Variants in MATN3 observed in about 807,000 individuals in gnomAD.
MATN3 encodes matrilin-3.
Under a neutral mutation model 45.3 loss-of-function variants are expected in MATN3, and 48 were observed. The ratio of observed to expected loss-of-function variants is 1.06; its 90% CI spans 0.84 to 1.35. MATN3 has a LOEUF of 1.35. MATN3 is among the 40% of genes most tolerant of loss of function. The pLI, the probability that MATN3 is intolerant of heterozygous loss-of-function variation, is 0.00. For synonymous variants in MATN3, 217 were observed against 245.9 expected (o/e 0.88, Z 1.10); for missense variants, 599 against 628.0 (o/e 0.95, Z 0.49).
rs12986437 is a variant in MATN3, at chr2:20,004,929, A to G, written c.790+815T>C. 2.4e-3 allele frequency among the ~76,000 whole-genome samples: 363 copies of G among 152,212 alleles called. 2 individuals are homozygous for G. Among genetic ancestry groups the G allele is most frequent in the Middle Eastern group, 6.8e-3 (2 of 294 alleles). Reference sequence around the variant, plus strand: ...TCTCCAGATGATAAAAAAATAAAGCATGAGTCCCACAGATCATAATTCTGA... The same window carrying G: ...TCTCCAGATGATAAAAAAATAAAGCGTGAGTCCCACAGATCATAATTCTGA... On this transcript the variant is annotated intron_variant, in intron 2 of 7. Transcript: ENST00000407540.
intron 1 of MATN3, among the ~76,000 whole-genome samples, chr2:20,008,596 T>A (rs764193400): frequency 1.1e-4 from 17 of 152,184 alleles, no homozygotes; most frequent in Non-Finnish European, 2.1e-4. Flanking sequence ...AAAAAGAAAA[T>A]CTTCCTTTCA....
chr2:19,995,639 T>C lies in MATN3; in HGVS notation c.1295-1230A>G, dbSNP rs765761089. On this transcript the variant is annotated intron_variant, in intron 6 of 7. Coordinates refer to ENST00000407540, the MANE Select transcript of MATN3 (RefSeq NM_002381.5). This position sits in a 1 kb window ranked among gnomAD's most constrained non-coding sequence, Gnocchi z 4.2. ...AGAGGTGATAAAAGTAACTCCTATTTCTTTATGGAATTCAGTCAGGCAGCT... is the reference window on the plus strand; with the variant it reads ...AGAGGTGATAAAAGTAACTCCTATTCCTTTATGGAATTCAGTCAGGCAGCT... Among the ~76,000 whole-genome samples the C allele has an allele frequency of 1.6e-4, 24 of 152,206 alleles. No individual in the cohort carries two copies. Among genetic ancestry groups the C allele is most frequent in the Non-Finnish European group, 3.2e-4 (22 of 68,034 alleles).
At chr2:20,007,017 A>C (rs369708740) in intron 1 of MATN3, among the ~76,000 whole-genome samples, 1 of 152,096 alleles carries the variant, frequency 6.6e-6, no homozygotes, top group Non-Finnish European at 1.5e-5. Context: ...GGAGATCAAG[A>C]CCATCACGGT....
intron 1 of MATN3, among the ~76,000 whole-genome samples, chr2:20,010,310 T>C (rs1371636153): frequency 1.3e-5 from 2 of 152,208 alleles, no homozygotes; most frequent in East Asian, 3.8e-4. Context: ...TTCTTATAAC[T>C]AAACGTGCAT....
rs1472973603 is a variant in MATN3 at position 19,992,475 on chromosome 2, C to CTTTAGTA, written c.*629_*635dup. The CTTTAGTA allele has an allele frequency of 6.6e-6, 1 of 152,100 alleles. No individual in the cohort carries two copies. The highest frequency in any genetic ancestry group is 1.5e-5 in the Non-Finnish European group (1 of 67,996). The allele number at this position is 152,100 out of a possible 1,614,324, so 9.4% of individuals were successfully genotyped here. The stretch of plus-strand genomic sequence containing the variant: ...ACACCCTAAATTCACAACTAGTGCT[C>CTTTAGTA]TTTAGTAGTACATTTCTTTCAAAGA... On this transcript the variant is annotated 3_prime_UTR_variant, in exon 8 of 8. Transcript: ENST00000407540.
At chr2:19,999,110 CTTTGA>C (rs1672934458) in intron 5 of MATN3, 1 of 151,654 alleles carries the variant, frequency 6.6e-6, no homozygotes. Flanking sequence ...TGAAAATTTT[CTTTGA>C]TTTATGTTTT....
chr2:20,010,066 C>CAAAAAAAAA (rs1558376342), intron 1 of MATN3, among the ~76,000 whole-genome samples: 5 of 5,550 alleles, frequency 9.0e-4, no homozygotes, highest in Non-Finnish European at 1.2e-3. Context: ...TCTTCAAATA[C>CAAAAAAAAA]TAAAAAAAAA....
Position 20,006,080 on chromosome 2 carries a change from G to C in MATN3, c.454C>G (p.Arg152Gly), listed in dbSNP as rs760921257. ...GTGCCTGTTGACAAGGGTGTGATTC[G>C]ACCCACGGCCTGCTTCAGGGACTGC... ...DKQSLKQAVG[R>G]ITPLSTGTMS... Residue 152 changes from arginine to glycine, a missense_variant, in exon 2 of 8, where the codon CGA (arginine) becomes GGA (glycine). Physicochemically the swap from Arg to Gly is moderately radical, Grantham distance 125. Transcript: ENST00000407540. 4 of 1,613,960 alleles carry C rather than the reference G, an allele frequency of 2.5e-6. No individual in the cohort carries two copies. Among genetic ancestry groups the C allele is most frequent in the Admixed American group, 1.7e-5 (1 of 60,018 alleles).
intron 7 of MATN3, among the ~76,000 whole-genome samples, chr2:19,994,085 T>C (rs1400490727): frequency 1.3e-5 from 2 of 152,180 alleles, no homozygotes; most frequent in Non-Finnish European, 2.9e-5. Context: ...GGGGACAAAA[T>C]AGGCAGCTTT....
chr2:20,010,404 C>T (rs939299067), intron 1 of MATN3, among the ~76,000 whole-genome samples: 4 of 152,158 alleles, frequency 2.6e-5, no homozygotes, highest in African/African-American at 9.7e-5. Flanking sequence ...CCGCCAAAGA[C>T]GTCCACGTCC....
At chr2:20,002,763 C>CTT (rs772667988) in intron 3 of MATN3, among the ~76,000 whole-genome samples, 7 of 150,872 alleles carry the variant, frequency 4.6e-5, no homozygotes, top group East Asian at 2.0e-4. Context: ...CCACACCTGG[C>CTT]TTTTTTTTTT....
Position 19,995,611 on chromosome 2 carries a change from A to G in MATN3, c.1295-1202T>C, listed in dbSNP as rs1672850565. 6.6e-6 allele frequency among the ~76,000 whole-genome samples: 1 copy of G among 152,228 alleles called. No individual in the cohort carries two copies. The highest frequency in any genetic ancestry group is 2.1e-4 in the South Asian group (1 of 4,838). On this transcript the variant is annotated intron_variant, in intron 6 of 7. Coordinates refer to ENST00000407540, the MANE Select transcript of MATN3 (RefSeq NM_002381.5). This position sits in a 1 kb window ranked among gnomAD's most constrained non-coding sequence, Gnocchi z 4.2. ...CGTTTGTATTGACATTTAACCAAAT[A>G]TGAGAGGTGATAAAAGTAACTCCTA...
In MATN3 at chr2:20,003,214, T is replaced by G. The variant is rs373579350; in HGVS notation, c.863A>C (p.His288Pro). Residue 288 changes from histidine (H) to proline (P), a missense_variant, in exon 3 of 8, where the codon CAC becomes CCC. By Grantham distance (77) the His-to-Pro change is moderately conservative. Coordinates refer to ENST00000407540, the MANE Select transcript of MATN3 (RefSeq NM_002381.5). The stretch of plus-strand genomic sequence containing the variant: ...GGTGTATCCTTGGCTACACTCACAG[T>G]GGTGCTTGCCTTCCCCATCACTGAT... ...VCISDGEGKHHCECSQGYTLN... is the reference protein window; with the variant it reads ...VCISDGEGKHPCECSQGYTLN... The G allele has an allele frequency of 6.2e-7, 1 of 1,614,016 alleles. No homozygotes were observed. Among genetic ancestry groups the G allele is most frequent in the Non-Finnish European group, 8.5e-7 (1 of 1,179,886 alleles).
intron 1 of MATN3, among the ~76,000 whole-genome samples, chr2:20,007,695 A>G (rs1479924664): frequency 1.3e-5 from 2 of 152,210 alleles, no homozygotes; most frequent in East Asian, 3.8e-4. Context: ...TCATTCACCA[A>G]AAACATTTTT....
chr2:20,001,851 G>C, intron 4 of MATN3, 104 bp downstream of exon 4: 1 of 1,125,496 alleles, frequency 8.9e-7, no homozygotes, highest in Non-Finnish European at 1.3e-6. Context: ...GGTGGCAAGA[G>C]AGGAAAACAC....
rs1295109386 is a variant in MATN3 at position 19,992,561 on chromosome 2, T to TA, written c.*549dup. On this transcript the variant is annotated 3_prime_UTR_variant, in exon 8 of 8. Coordinates refer to ENST00000407540, the MANE Select transcript of MATN3 (RefSeq NM_002381.5). ...TTGATCTGTGTTAACTATTTTTAGA[T>TA]ATGTGTATTACAATCTATTGATCAC... 6.5e-6 allele frequency: 1 copy of TA among 152,676 alleles called. No homozygotes were observed. Among genetic ancestry groups the TA allele is most frequent in the Non-Finnish European group, 1.5e-5 (1 of 68,326 alleles). 9.5% of individuals were successfully genotyped at this position (152,676 alleles called of 1,614,324 possible). A position where few individuals can be genotyped will look rare whatever the true frequency, so the allele number is the denominator to read the frequency against.
At chr2:19,996,278 A>T (rs1211115542) in intron 6 of MATN3, among the ~76,000 whole-genome samples, 1 of 152,218 alleles carries the variant, frequency 6.6e-6, no homozygotes, top group Non-Finnish European at 1.5e-5. Flanking sequence ...AATATTTTTA[A>T]AAGTACAAGA....
chr2:20,010,965 T>C (rs1213231733), intron 1 of MATN3, among the ~76,000 whole-genome samples: 1 of 152,230 alleles, frequency 6.6e-6, no homozygotes, highest in Non-Finnish European at 1.5e-5. Context: ...ATTTACTAAA[T>C]AGCAGCAATT....
Position 20,003,219 on chromosome 2 carries a change from C to T in MATN3, c.858G>A (p.Lys286=). 6.2e-7 allele frequency: 1 copy of T among 1,613,996 alleles called. No individual in the cohort carries two copies. The highest frequency in any genetic ancestry group is 8.5e-7 in the Non-Finnish European group (1 of 1,179,870). The part of the protein sequence containing the change: ...QHVCISDGEG[K]HHCECSQGYT... Reference sequence around the variant, plus strand: ...ATCCTTGGCTACACTCACAGTGGTGCTTGCCTTCCCCATCACTGATGCAGA... The same window carrying T: ...ATCCTTGGCTACACTCACAGTGGTGTTTGCCTTCCCCATCACTGATGCAGA... The change falls in exon 3 of 8, where the codon AAG becomes AAA. Residue 286 remains lysine, a synonymous_variant. Coordinates refer to ENST00000407540, the MANE Select transcript of MATN3 (RefSeq NM_002381.5).
Sources: gnomAD v4.1 joint callset for allele counts (sites outside exome capture counted in the v4.1 genomes callset) on GRCh38, gnomAD v4.1.1 for gene constraint, Gnocchi (gnomAD v3.1) non-coding constraint, MANE v1.5 for transcripts, NCBI Gene and HGNC (gene_info 2026-07-23, HGNC 2026-07-21) for gene names.